Variants in RPTOR observed in about 807,000 individuals in gnomAD.
RPTOR encodes regulatory associated protein of MTOR complex 1.
RPTOR carries 21 observed loss-of-function variants against 169.9 expected under a neutral mutation model. The ratio of observed to expected loss-of-function variants is 0.12; its 90% CI spans 0.09 to 0.18. The LOEUF (loss-of-function observed/expected upper bound fraction) is 0.18. Ranked by LOEUF, RPTOR falls within the 10% of genes least tolerant of loss-of-function variation. The pLI is 1.00. For synonymous variants in RPTOR, 732 were observed against 753.2 expected (o/e 0.97, Z 0.46); for missense variants, 1,133 against 1,855.9 (o/e 0.61, Z 7.16).
chr17:80,939,032 A>T (rs187137363), intron 24 of RPTOR, among the ~76,000 whole-genome samples: 2 of 152,374 alleles, frequency 1.3e-5, no homozygotes, highest in East Asian at 3.8e-4. Flanking sequence ...AGAGAAAGCG[A>T]CTTTTTAATA....
At chr17:80,744,536 C>T (rs201781453) in intron 5 of RPTOR, among the ~76,000 whole-genome samples, 9 of 79,920 alleles carry the variant, frequency 1.1e-4, no homozygotes, top group African/African-American at 2.3e-4. Context: ...TGGCTACTAG[C>T]ACAGCCCTGG....
chr17:80,742,485 A>G (rs2066491094), intron 5 of RPTOR, among the ~76,000 whole-genome samples: 1 of 152,080 alleles, frequency 6.6e-6, no homozygotes, highest in African/African-American at 2.4e-5. Context: ...ACATGCACAT[A>G]CAGACATGTA....
Position 80,947,090 on chromosome 17 carries a change from G to A in RPTOR, c.3141-137G>A. 1 of 775,152 alleles carries A rather than the reference G, an allele frequency of 1.3e-6. No individual in the cohort carries two copies. Among genetic ancestry groups the A allele is most frequent in the South Asian group, 2.3e-5 (1 of 43,912 alleles). The allele number at this position is 775,152 out of a possible 1,614,324, so 48.0% of individuals were successfully genotyped here. A position where few individuals can be genotyped will look rare whatever the true frequency, so the allele number is the denominator to read the frequency against. Reference sequence around the variant, plus strand: ...CTTCAGCCTCCCAAGTAGCTAGGATGACAGGTGTGAGCCGCCGTGCCCGGC... The same window carrying A: ...CTTCAGCCTCCCAAGTAGCTAGGATAACAGGTGTGAGCCGCCGTGCCCGGC... On this transcript the variant is annotated intron_variant, in intron 26 of 33. Coordinates refer to ENST00000306801, the MANE Select transcript of RPTOR (RefSeq NM_020761.3). The surrounding 1 kb of genome is among the most constrained non-coding windows in gnomAD (Gnocchi z 4.4).
chr17:80,918,057 A>G (rs59653064), intron 21 of RPTOR, among the ~76,000 whole-genome samples: 182 of 152,352 alleles, frequency 1.2e-3, no homozygotes, highest in African/African-American at 3.8e-3. Flanking sequence ...GTGGCATGCC[A>G]GCAGCACTAA....
chr17:80,717,524 A>G (rs987652219), intron 4 of RPTOR, among the ~76,000 whole-genome samples: 3 of 152,134 alleles, frequency 2.0e-5, no homozygotes, highest in African/African-American at 4.8e-5. Context: ...ATCACGTGGC[A>G]TGCCACCGGA....
At chr17:80,637,261 C>T (rs1357285392) in intron 2 of RPTOR, among the ~76,000 whole-genome samples, 9 of 152,208 alleles carry the variant, frequency 5.9e-5, no homozygotes, top group Admixed American at 4.6e-4. Flanking sequence ...CCATGCCCAG[C>T]GTGGCTCTGG....
intron 4 of RPTOR, among the ~76,000 whole-genome samples, chr17:80,713,423 G>A (rs969036664): frequency 6.6e-6 from 1 of 152,096 alleles, no homozygotes; most frequent in African/African-American, 2.4e-5. Context: ...TCTTTTCCTA[G>A]TAGTGGATGT....
chr17:80,588,166 C>CT lies in RPTOR; in HGVS notation c.163-37511dup, dbSNP rs71163973. Among the ~76,000 whole-genome samples the CT allele has an allele frequency of 8.6e-3, 1,186 of 138,568 alleles. 23 individuals are homozygous for CT. Among genetic ancestry groups the CT allele is most frequent in the African/African-American group, 0.027 (1,020 of 37,578 alleles). The allele number at this position is 138,568 out of a possible 152,430, so 90.9% of individuals were successfully genotyped here. On this transcript the variant is annotated intron_variant, in intron 1 of 33. Coordinates refer to ENST00000306801, the MANE Select transcript of RPTOR (RefSeq NM_020761.3). Reference sequence around the variant, plus strand: ...GTATATCACATTTTCTTTATCCATTCTTTTTTTTTTTTTTGAGATGGAATC... The same window carrying CT: ...GTATATCACATTTTCTTTATCCATTCTTTTTTTTTTTTTTTGAGATGGAATC...
intron 1 of RPTOR, among the ~76,000 whole-genome samples, chr17:80,554,135 C>T (rs2084378120): frequency 6.6e-6 from 1 of 152,084 alleles, no homozygotes; most frequent in Admixed American, 6.6e-5. Flanking sequence ...AAGTGATCCT[C>T]CTGCCTCAGC....
intron 1 of RPTOR, among the ~76,000 whole-genome samples, chr17:80,624,175 T>G (rs570855979): frequency 2.6e-5 from 4 of 152,200 alleles, no homozygotes; most frequent in Admixed American, 1.3e-4. Flanking sequence ...ACACCAGGTC[T>G]TAGGAATAAT....
chr17:80,682,345 A>G lies in RPTOR; in HGVS notation c.349-25496A>G, dbSNP rs150411317. ...GGTCTTGAACTCCTGGACTCAAGCC[A>G]TTTGCCTGCCTCAGCCCCAAAGTGC... is the stretch of plus-strand genomic sequence containing the variant. On this transcript the variant is annotated intron_variant, in intron 3 of 33. Transcript: ENST00000306801. Among the ~76,000 whole-genome samples the G allele has an allele frequency of 3.0e-3, 461 of 152,216 alleles. 2 individuals are homozygous for G. The highest frequency in any genetic ancestry group is 0.011 in the African/African-American group (444 of 41,548).
At chr17:80,671,029 T>G (rs1425909846) in intron 3 of RPTOR, among the ~76,000 whole-genome samples, 1 of 152,204 alleles carries the variant, frequency 6.6e-6, no homozygotes, top group African/African-American at 2.4e-5. Flanking sequence ...CACCTGGCCC[T>G]GGGAAGAGCG....
intron 3 of RPTOR, among the ~76,000 whole-genome samples, chr17:80,700,439 A>ATGGTGG (rs138115583): frequency 2.1e-5 from 2 of 93,850 alleles, no homozygotes; most frequent in African/African-American, 3.8e-5. Flanking sequence ...GGTGGTTATG[A>ATGGTGG]TGGTGGTGGT....
intron 13 of RPTOR, among the ~76,000 whole-genome samples, chr17:80,874,008 A>G (rs1324514192): frequency 3.3e-5 from 5 of 152,222 alleles, no homozygotes; most frequent in Admixed American, 3.3e-4. Flanking sequence ...GATTACATGT[A>G]GGGGCAGAGG....
rs1433351500 is a variant in RPTOR, at chr17:80,860,779, A to T, written c.1509+2879A>T. Among the ~76,000 whole-genome samples, 2 of 152,000 alleles carry T rather than the reference A, an allele frequency of 1.3e-5. No homozygotes were observed. Among genetic ancestry groups the T allele is most frequent in the African/African-American group, 4.8e-5 (2 of 41,360 alleles). ...CTCTCTCCAAGCAGAAGCAGCTTCCAGCCCCTCTTCCGGTTCTGGGATCTC... is the reference window on the plus strand; with the variant it reads ...CTCTCTCCAAGCAGAAGCAGCTTCCTGCCCCTCTTCCGGTTCTGGGATCTC... On this transcript the variant is annotated intron_variant, in intron 13 of 33. Transcript: ENST00000306801. This position sits in a 1 kb window ranked among gnomAD's most constrained non-coding sequence, Gnocchi z 5.8.
intron 3 of RPTOR, among the ~76,000 whole-genome samples, chr17:80,689,730 C>T (rs985697358): frequency 5.3e-5 from 8 of 152,310 alleles, no homozygotes; most frequent in South Asian, 2.1e-4. Context: ...CAGTGTTTTA[C>T]GCGTATGAAA....
At chr17:80,656,653 G>A (rs536785575) in intron 3 of RPTOR, among the ~76,000 whole-genome samples, 1 of 152,288 alleles carries the variant, frequency 6.6e-6, no homozygotes, top group South Asian at 2.1e-4. Context: ...TGAGGCAGAC[G>A]GAGCCACTTG....
At chr17:80,821,290 C>A (rs763749738) in intron 7 of RPTOR, among the ~76,000 whole-genome samples, 4 of 152,198 alleles carry the variant, frequency 2.6e-5, no homozygotes, top group Non-Finnish European at 4.4e-5. Flanking sequence ...ACTTAGCTAC[C>A]CTGTGTTACT....
At chr17:80,623,242 A>C (rs1050603664) in intron 1 of RPTOR, among the ~76,000 whole-genome samples, 2 of 152,234 alleles carry the variant, frequency 1.3e-5, no homozygotes, top group Non-Finnish European at 2.9e-5. Context: ...CAGACTTATT[A>C]TTCTTAGATA....
Sources: allele counts gnomAD v4.1 joint callset (sites outside exome capture counted in the v4.1 genomes callset), GRCh38; gene constraint gnomAD v4.1.1; non-coding constraint Gnocchi (gnomAD v3.1); transcripts MANE v1.5; gene names NCBI Gene and HGNC (gene_info 2026-07-23, HGNC 2026-07-21).